THSD4: variants seen among roughly 807,000 people sequenced by gnomAD.
THSD4 encodes thrombospondin type 1 domain containing 4.
THSD4 carries 69 observed loss-of-function variants against 119.0 expected under a neutral mutation model. The ratio of observed to expected loss-of-function variants is 0.58; its 90% confidence interval spans 0.48 to 0.71. THSD4 has a LOEUF of 0.71. THSD4 is among the 30% of genes least tolerant of loss of function. THSD4 has a pLI of 0.00. For synonymous variants in THSD4, 524 were observed against 540.4 expected (o/e 0.97, Z 0.42); for missense variants, 1,393 against 1,391.1 (o/e 1.00, Z -0.02).
intron 6 of THSD4, among the ~76,000 whole-genome samples, chr15:71,346,377 G>T (rs2840146): frequency 0.99 from 150,941 of 152,338 alleles, 74,791 homozygotes; most frequent in Middle Eastern, 1. Context: ...GCCATTTATT[G>T]GTGTCAGCAT....
chr15:71,635,683 A>C (rs1194789686), intron 7 of THSD4, among the ~76,000 whole-genome samples: 1 of 152,218 alleles, frequency 6.6e-6, no homozygotes, highest in Non-Finnish European at 1.5e-5. Context: ...GTTATCAAAA[A>C]ATCAAATACT....
intron 6 of THSD4, among the ~76,000 whole-genome samples, chr15:71,286,220 C>T (rs747349531): frequency 1.3e-5 from 2 of 152,154 alleles, no homozygotes; most frequent in East Asian, 1.9e-4. Context: ...GCTAAATGTG[C>T]GTCATGGGGG....
rs2044060216 is a variant in THSD4 at position 71,231,404 on chromosome 15, G to A, written c.465-11245G>A. On this transcript the variant is annotated intron_variant, in intron 4 of 17. Coordinates refer to ENST00000261862, the MANE Select transcript of THSD4 (RefSeq NM_024817.3). Reference sequence around the variant, plus strand: ...TGAGTATAGGGTCTTCTAGAGGCTTGGCTTCCTGGTGCAAAAAAAGCCCTT... The same window carrying A: ...TGAGTATAGGGTCTTCTAGAGGCTTAGCTTCCTGGTGCAAAAAAAGCCCTT... 1.3e-5 allele frequency among the ~76,000 whole-genome samples: 2 copies of A among 152,236 alleles called. 1 individual carries two copies. Among genetic ancestry groups the A allele is most frequent in the East Asian group, 3.9e-4 (2 of 5,174 alleles).
At chr15:71,297,379 A>G (rs2044879961) in intron 6 of THSD4, among the ~76,000 whole-genome samples, 1 of 145,710 alleles carries the variant, frequency 6.9e-6, no homozygotes, top group South Asian at 2.1e-4. Flanking sequence ...TCTGTAACCC[A>G]GACTGGAGTG....
chr15:71,225,406 G>T (rs2415112), intron 4 of THSD4, among the ~76,000 whole-genome samples: 56,932 of 151,814 alleles, frequency 0.38, 11,266 homozygotes, highest in East Asian at 0.52. Context: ...AGTTATTAAG[G>T]GGTCTTGCTT....
intron 6 of THSD4, among the ~76,000 whole-genome samples, chr15:71,381,674 C>A (rs1419389927): frequency 4.6e-5 from 7 of 152,250 alleles, no homozygotes; most frequent in African/African-American, 1.7e-4. Context: ...AATGAGAATT[C>A]ATTATAATCA....
intron 7 of THSD4, among the ~76,000 whole-genome samples, chr15:71,430,570 G>A (rs1287484370): frequency 2.6e-5 from 4 of 151,692 alleles, no homozygotes; most frequent in South Asian, 2.1e-4. Context: ...GAGCCTGGCC[G>A]ACATGGTGAA....
At chr15:71,575,325 C>T (rs577372406) in intron 7 of THSD4, among the ~76,000 whole-genome samples, 1 of 152,264 alleles carries the variant, frequency 6.6e-6, no homozygotes, top group South Asian at 2.1e-4. Context: ...TCACTTTTAG[C>T]TTCATATTAT....
chr15:71,738,725 G>T (rs967867125), intron 11 of THSD4, among the ~76,000 whole-genome samples: 6 of 152,136 alleles, frequency 3.9e-5, no homozygotes, highest in African/African-American at 1.4e-4. Context: ...GCTCACCCAA[G>T]ATTTGGTGTC....
At chr15:71,473,108 G>A (rs548115561) in intron 7 of THSD4, among the ~76,000 whole-genome samples, 10 of 149,230 alleles carry the variant, frequency 6.7e-5, no homozygotes, top group Non-Finnish European at 1.2e-4. Context: ...CCAGGCTGGA[G>A]TACAATGGTG....
At chr15:71,501,259 A>C (rs944989646) in intron 7 of THSD4, among the ~76,000 whole-genome samples, 2 of 152,240 alleles carry the variant, frequency 1.3e-5, no homozygotes, top group Non-Finnish European at 2.9e-5. Flanking sequence ...CATATTCGGC[A>C]CTTTCAGTGT....
rs1337677805 is a variant in THSD4 at position 71,779,452 on chromosome 15, G to A, written c.*2078G>A. 2 of 152,238 alleles carry A rather than the reference G, an allele frequency of 1.3e-5. No homozygotes were observed. The highest frequency in any genetic ancestry group is 2.9e-5 in the Non-Finnish European group (2 of 68,052). 9.4% of individuals were successfully genotyped at this position (152,238 alleles called of 1,614,324 possible). A position where few individuals can be genotyped will look rare whatever the true frequency, so the allele number is the denominator to read the frequency against. On this transcript the variant is annotated 3_prime_UTR_variant, in exon 18 of 18. Transcript: ENST00000261862. ...TCATTTGAAGAGGTTTTCTTTTCAT[G>A]CTGGAGGGCAGGCTAAGATCAATGA... is the stretch of plus-strand genomic sequence containing the variant.
chr15:71,778,788 T>A lies in THSD4; in HGVS notation c.*1414T>A. ...GTGGACCCTTCCCCATCTCTTCCAATTCACTTTCCCCAACTATCCAGTTCC... is the reference window on the plus strand; with the variant it reads ...GTGGACCCTTCCCCATCTCTTCCAAATCACTTTCCCCAACTATCCAGTTCC... On this transcript the variant is annotated 3_prime_UTR_variant, in exon 18 of 18. Coordinates refer to ENST00000261862, the MANE Select transcript of THSD4 (RefSeq NM_024817.3). 1 of 151,842 alleles carries A rather than the reference T, an allele frequency of 6.6e-6. No homozygotes were observed. The highest frequency in any genetic ancestry group is 6.6e-5 in the Admixed American group (1 of 15,248). 9.4% of individuals were successfully genotyped at this position (151,842 alleles called of 1,614,324 possible).
At chr15:71,392,285 A>C (rs1001279169) in intron 6 of THSD4, among the ~76,000 whole-genome samples, 14 of 152,210 alleles carry the variant, frequency 9.2e-5, no homozygotes, top group African/African-American at 2.7e-4. Flanking sequence ...CTAGGCATCT[A>C]GTTTCACGGG....
At chr15:71,772,981 G>A (rs906105399) in intron 17 of THSD4, among the ~76,000 whole-genome samples, 1 of 152,108 alleles carries the variant, frequency 6.6e-6, no homozygotes, top group Non-Finnish European at 1.5e-5. Context: ...GGCCAAGATG[G>A]GAGGATTGCT....
intron 7 of THSD4, among the ~76,000 whole-genome samples, chr15:71,614,697 G>C (rs908347948): frequency 1.3e-5 from 2 of 152,160 alleles, no homozygotes; most frequent in African/African-American, 4.8e-5. Context: ...GGTCAATATT[G>C]GTTATGATCA....
chr15:71,416,442 T>G lies in THSD4; in HGVS notation c.1152+4619T>G, dbSNP rs915319689. ...CTATAGTGGTTGTACTAACTTACAT[T>G]CCCACCTACAGTGTAAGAGGATTAC... On this transcript the variant is annotated intron_variant, in intron 7 of 17. Coordinates refer to ENST00000261862, the MANE Select transcript of THSD4 (RefSeq NM_024817.3). 9.1e-4 allele frequency among the ~76,000 whole-genome samples: 99 copies of G among 108,206 alleles called. 26 individuals are homozygous for G. The highest frequency in any genetic ancestry group is 2.9e-3 in the African/African-American group (93 of 31,856). The allele number at this position is 108,206 out of a possible 152,430, so 71.0% of individuals were successfully genotyped here. A position where few individuals can be genotyped will look rare whatever the true frequency, so the allele number is the denominator to read the frequency against.
At chr15:71,514,429 C>A (rs1595846029) in intron 7 of THSD4, among the ~76,000 whole-genome samples, 1 of 152,092 alleles carries the variant, frequency 6.6e-6, no homozygotes, top group East Asian at 1.9e-4. Context: ...TTGTTGGTAT[C>A]CAAATGGGAT....
intron 7 of THSD4, among the ~76,000 whole-genome samples, chr15:71,546,415 A>G (rs2048838748): frequency 6.6e-6 from 1 of 152,160 alleles, no homozygotes; most frequent in African/African-American, 2.4e-5. Flanking sequence ...GTGTATCTCA[A>G]GTGCATTGTA....
Sources: gnomAD v4.1 joint callset for allele counts (sites outside exome capture counted in the v4.1 genomes callset) on GRCh38, gnomAD v4.1.1 for gene constraint, MANE v1.5 for transcripts, NCBI Gene and HGNC (gene_info 2026-07-23, HGNC 2026-07-21) for gene names.